Variants in LCOR observed in about 807,000 individuals in gnomAD.
LCOR encodes the protein ligand-dependent corepressor.
A neutral mutation model predicts 64.4 loss-of-function variants in LCOR; 14 were observed. The ratio of observed to expected loss-of-function variants is 0.22; its 90% CI spans 0.14 to 0.34. LCOR has a LOEUF of 0.34. LCOR is among the 10% of genes least tolerant of loss of function. The probability of loss-of-function intolerance (pLI) is 1.00; values close to 1 mark genes in which losing one functional copy is unlikely to be tolerated. For missense variants in LCOR, 1,686 were observed against 1,765.3 expected (o/e 0.96, Z 0.80); for synonymous variants, 643 against 642.5 (o/e 1.00, Z -0.01).
At chr10:96,833,211 C>G (rs1845377463) in intron 1 of LCOR, 195 bp from the exon 2 acceptor site, 2 of 983,636 alleles carry the variant, frequency 2.0e-6, no homozygotes, top group Non-Finnish European at 2.4e-6. Flanking sequence ...GCTCTCGTCC[C>G]CTCCCGGGGA....
chr10:96,912,608 C>A (rs1049190848), intron 4 of LCOR, among the ~76,000 whole-genome samples: 2 of 54,856 alleles, frequency 3.6e-5, no homozygotes, highest in South Asian at 8.9e-4. Context: ...TTCTTCCTTT[C>A]TTCCTTCCTT....
rs1848175616 is a variant in LCOR, at chr10:96,989,300, G to C, written c.*4166G>C. 1 of 152,142 alleles carries C rather than the reference G, an allele frequency of 6.6e-6. No homozygotes were observed. The highest frequency in any genetic ancestry group is 2.4e-5 in the African/African-American group (1 of 41,418). The allele number at this position is 152,142 out of a possible 1,614,324, so 9.4% of individuals were successfully genotyped here. ...CTGGGCCTCTCATTTCACTCACACA[G>C]AACTGACTCTGGCTTTATTTCTTGT... On this transcript the variant is annotated 3_prime_UTR_variant, in exon 8 of 8. Transcript: ENST00000421806.
chr10:96,937,928 G>A (rs1276149905), intron 4 of LCOR, among the ~76,000 whole-genome samples: 2 of 152,128 alleles, frequency 1.3e-5, no homozygotes, highest in Admixed American at 1.3e-4. Context: ...GGAGTGCAAA[G>A]TTGGTTTAAC....
chr10:96,945,496 A>C (rs1422726602), intron 5 of LCOR, among the ~76,000 whole-genome samples: 1 of 152,060 alleles, frequency 6.6e-6, no homozygotes, highest in Non-Finnish European at 1.5e-5. Flanking sequence ...TCCTGACCTA[A>C]ATCTCCCAGC....
At chr10:96,944,502 A>C (rs1190743622) in intron 5 of LCOR, among the ~76,000 whole-genome samples, 4 of 152,066 alleles carry the variant, frequency 2.6e-5, no homozygotes, top group African/African-American at 4.8e-5. Context: ...TGAAAATTTT[A>C]AGCTCTCAGT....
chr10:96,964,036 T>G (rs1847921294), intron 7 of LCOR: 1 of 152,216 alleles, frequency 6.6e-6, no homozygotes, highest in South Asian at 2.1e-4. Flanking sequence ...ATTTACAGAT[T>G]TTTTTGTACT....
chr10:96,899,201 A>T (rs1381799737), intron 2 of LCOR, among the ~76,000 whole-genome samples: 3 of 152,140 alleles, frequency 2.0e-5, no homozygotes, highest in Non-Finnish European at 4.4e-5. Flanking sequence ...TGGTGATAAT[A>T]TGAAGTAGGA....
chr10:96,969,728 A>G (rs991411651), intron 7 of LCOR, among the ~76,000 whole-genome samples: 2 of 150,700 alleles, frequency 1.3e-5, no homozygotes, highest in African/African-American at 4.9e-5. Context: ...CACAGCTAAC[A>G]TAGTTTAGAG....
At position 96,958,221 on chromosome 10, in the gene LCOR, A is replaced by G. The variant is rs796111137; in HGVS notation, c.332+6025A>G. The G allele has an allele frequency of 1.9e-5, 25 of 1,301,074 alleles. No individual in the cohort carries two copies. In the African/African-American group the frequency reaches 3.6e-4, roughly 19 times the overall value. The allele number at this position is 1,301,074 out of a possible 1,614,324, so 80.6% of individuals were successfully genotyped here. A position where few individuals can be genotyped will look rare whatever the true frequency, so the allele number is the denominator to read the frequency against. On this transcript the variant is annotated intron_variant, in intron 7 of 7. Coordinates refer to ENST00000421806, the MANE Select transcript of LCOR (RefSeq NM_001346516.2). ...CTTGCTTTTATCCCCTCTCAGAAAG[A>G]CATCACTAAAGGCCCATTAAAAATC... is the stretch of plus-strand genomic sequence containing the variant.
At chr10:96,932,328 A>C (rs1265682516) in intron 4 of LCOR, among the ~76,000 whole-genome samples, 1 of 152,168 alleles carries the variant, frequency 6.6e-6, no homozygotes, top group Non-Finnish European at 1.5e-5. Context: ...TAATCATTAT[A>C]TTGCTTCCAG....
Position 96,984,753 on chromosome 10 carries a change from C to G in LCOR, c.4293C>G (p.Thr1431=). The G allele has an allele frequency of 6.2e-7, 1 of 1,613,664 alleles. No individual in the cohort carries two copies. Among genetic ancestry groups the G allele is most frequent in the South Asian group, 1.1e-5 (1 of 91,018 alleles). ...AGCATGCTGATGGAGCCACCAAAAC[C>G]CCTGCTGCCAAGAGGCCAGCTGCAA... ...KEKHADGATK[T]PAAKRPAARD... is the part of the protein sequence containing the mutation. Residue 1431 remains threonine, a synonymous_variant, in exon 8 of 8, where the codon ACC becomes ACG. Coordinates refer to ENST00000421806, the MANE Select transcript of LCOR (RefSeq NM_001346516.2).
At chr10:96,882,637 G>A (rs561259187) in intron 2 of LCOR, among the ~76,000 whole-genome samples, 2 of 152,102 alleles carry the variant, frequency 1.3e-5, no homozygotes, top group Non-Finnish European at 2.9e-5. Context: ...TTCACTATTG[G>A]TGTTGTATAT....
At chr10:96,884,768 GTT>G (rs1354333219) in intron 2 of LCOR, among the ~76,000 whole-genome samples, 2 of 152,158 alleles carry the variant, frequency 1.3e-5, no homozygotes, top group Non-Finnish European at 2.9e-5. Context: ...GAGAGTCTCA[GTT>G]TCATTTCTTA....
chr10:96,903,322 A>G (rs1196916663), intron 2 of LCOR, among the ~76,000 whole-genome samples: 1 of 152,196 alleles, frequency 6.6e-6, no homozygotes, highest in Non-Finnish European at 1.5e-5. Flanking sequence ...ATCACCAAGC[A>G]GTAGGAATTT....
chr10:96,848,406 C>T (rs1294007284), intron 2 of LCOR, among the ~76,000 whole-genome samples: 1 of 152,144 alleles, frequency 6.6e-6, no homozygotes, highest in Non-Finnish European at 1.5e-5. Flanking sequence ...GCCTGTAATC[C>T]CAACACTTTG....
intron 7 of LCOR, chr10:96,955,627 C>T: frequency 6.2e-7 from 1 of 1,614,104 alleles, no homozygotes; most frequent in Non-Finnish European, 8.5e-7. Context: ...GACCCTGGCT[C>T]CAAGCAGCCT....
intron 7 of LCOR, chr10:96,956,049 T>G: frequency 6.8e-7 from 1 of 1,469,706 alleles, no homozygotes; most frequent in South Asian, 1.5e-5. Context: ...TTGCATTGAC[T>G]TGTGTGTACA....
chr10:96,883,193 C>G (rs972139555), intron 2 of LCOR, among the ~76,000 whole-genome samples: 3 of 152,096 alleles, frequency 2.0e-5, no homozygotes, highest in Non-Finnish European at 2.9e-5. Flanking sequence ...GCCACCACCC[C>G]CAGCTAATTT....
intron 2 of LCOR, among the ~76,000 whole-genome samples, chr10:96,841,486 G>A (rs1443105302): frequency 1.3e-5 from 2 of 151,046 alleles, no homozygotes; most frequent in South Asian, 2.1e-4. Flanking sequence ...TTAGCCTCCC[G>A]AGTAGCTGGG....
Sources: gnomAD v4.1 joint callset for allele counts (sites outside exome capture counted in the v4.1 genomes callset) on GRCh38, gnomAD v4.1.1 for gene constraint, MANE v1.5 for transcripts, NCBI Gene and HGNC (gene_info 2026-07-23, HGNC 2026-07-21) for gene names.